FGD5: variants seen among roughly 807,000 people sequenced by gnomAD.
The protein encoded by FGD5 is FYVE, RhoGEF and PH domain containing 5.
In FGD5, 28 loss-of-function variants were observed where a neutral mutation model predicts 133.4. The ratio of observed to expected loss-of-function variants is 0.21; its 90% CI spans 0.16 to 0.29. FGD5 has a LOEUF of 0.29. Among genes scored for constraint, FGD5 ranks in the 10% least tolerant of loss-of-function variants. FGD5 has a pLI of 1.00. For synonymous variants in FGD5, 810 were observed against 776.5 expected (o/e 1.04, Z -0.72); for missense variants, 1,858 against 1,895.2 (o/e 0.98, Z 0.36).
chr3:14,911,278 G>A (rs989542149), intron 11 of FGD5, among the ~76,000 whole-genome samples: 7 of 152,220 alleles, frequency 4.6e-5, no homozygotes, highest in Admixed American at 2.0e-4. Context: ...AGTCCAGGAG[G>A]AGCCAAGCGT....
intron 1 of FGD5, among the ~76,000 whole-genome samples, chr3:14,863,345 G>A (rs1381552392): frequency 5.3e-5 from 8 of 152,124 alleles, no homozygotes; most frequent in African/African-American, 1.9e-4. Context: ...AGGGCTGAGA[G>A]CCCCTGCTGT....
chr3:14,844,646 G>C (rs1404568589), intron 1 of FGD5, among the ~76,000 whole-genome samples: 2 of 152,026 alleles, frequency 1.3e-5, no homozygotes, highest in African/African-American at 2.4e-5. Context: ...TAAAACCCTG[G>C]CTGCATAGTT....
intron 7 of FGD5, among the ~76,000 whole-genome samples, 158 bp from the exon 8 acceptor site, chr3:14,900,245 T>G (rs980991896): frequency 6.6e-6 from 1 of 152,100 alleles, no homozygotes; most frequent in East Asian, 1.9e-4. Context: ...CCTGGGGGCC[T>G]GGTTTCATGC....
At chr3:14,813,775 A>C (rs1169131069) in intron 1 of FGD5, among the ~76,000 whole-genome samples, 1 of 148,632 alleles carries the variant, frequency 6.7e-6, no homozygotes, top group Non-Finnish European at 1.5e-5. Context: ...CTGGCTCCCC[A>C]TCCAGTGCTC....
At chr3:14,842,603 G>A (rs1199212207) in intron 1 of FGD5, among the ~76,000 whole-genome samples, 3 of 152,050 alleles carry the variant, frequency 2.0e-5, no homozygotes, top group South Asian at 2.1e-4. Context: ...ACCCTCTCCC[G>A]GAAGACTTTG....
At chr3:14,926,830 C>T (rs759148649) in intron 18 of FGD5, among the ~76,000 whole-genome samples, 7 of 152,056 alleles carry the variant, frequency 4.6e-5, no homozygotes, top group Admixed American at 2.0e-4. Context: ...CAGCTGGTGG[C>T]TTCTAGGTGG....
intron 1 of FGD5, among the ~76,000 whole-genome samples, chr3:14,830,911 C>G (rs1450945734): frequency 6.6e-6 from 1 of 152,098 alleles, no homozygotes; most frequent in African/African-American, 2.4e-5. Context: ...GAGAGGCAGA[C>G]AGTAAACAGA....
At chr3:14,856,849 C>T (rs1229503483) in intron 1 of FGD5, among the ~76,000 whole-genome samples, 1 of 152,120 alleles carries the variant, frequency 6.6e-6, no homozygotes, top group Non-Finnish European at 1.5e-5. Flanking sequence ...TTGACTTCTT[C>T]CTTTCTAATT....
chr3:14,812,442 C>T (rs1278948917), intron 1 of FGD5, among the ~76,000 whole-genome samples: 1 of 152,208 alleles, frequency 6.6e-6, no homozygotes, highest in Non-Finnish European at 1.5e-5. Context: ...CTGCATGAGG[C>T]TTGGGCAGAC....
intron 18 of FGD5, among the ~76,000 whole-genome samples, chr3:14,926,437 C>G (rs2038804711): frequency 6.6e-6 from 1 of 152,208 alleles, no homozygotes. Flanking sequence ...AAGGTACGGA[C>G]ATGCCAAGCT....
At chr3:14,914,590 A>G (rs2038515983) in intron 11 of FGD5, among the ~76,000 whole-genome samples, 1 of 152,142 alleles carries the variant, frequency 6.6e-6, no homozygotes, top group Non-Finnish European at 1.5e-5. Context: ...CCCTAGTGAC[A>G]TAGGTCAGTT....
chr3:14,923,338 A>G (rs917051478), intron 16 of FGD5, 163 bp downstream of exon 16: 27 of 965,840 alleles, frequency 2.8e-5, no homozygotes, highest in Middle Eastern at 3.4e-4. Flanking sequence ...CCATTTTCCA[A>G]TATGTGGATT....
intron 4 of FGD5, among the ~76,000 whole-genome samples, chr3:14,892,204 A>AT (rs912620988): frequency 8.1e-5 from 12 of 147,904 alleles, no homozygotes; most frequent in Non-Finnish European, 1.0e-4. Flanking sequence ...TTTTTTTTTT[A>AT]TTTTTTTATT....
chr3:14,865,119 A>ACCCCCCCC (rs1216267069), intron 2 of FGD5, among the ~76,000 whole-genome samples: 13 of 140,836 alleles, frequency 9.2e-5, no homozygotes, highest in East Asian at 2.2e-4. Context: ...CCCCCACCCA[A>ACCCCCCCC]CCCACCCATC....
At chr3:14,840,427 G>A (rs1433025704) in intron 1 of FGD5, among the ~76,000 whole-genome samples, 2 of 152,146 alleles carry the variant, frequency 1.3e-5, no homozygotes, top group African/African-American at 4.8e-5. Flanking sequence ...TTACAAGCAT[G>A]AGCCACCACG....
intron 4 of FGD5, among the ~76,000 whole-genome samples, chr3:14,884,409 C>T (rs2037885982): frequency 6.6e-6 from 1 of 152,190 alleles, no homozygotes; most frequent in Non-Finnish European, 1.5e-5. Flanking sequence ...CTGGCAGTAC[C>T]TCCTTTACCG....
intron 13 of FGD5, among the ~76,000 whole-genome samples, chr3:14,921,677 C>A (rs908065910): frequency 6.6e-6 from 1 of 152,180 alleles, no homozygotes. Flanking sequence ...CACAGCAGCC[C>A]TGGGAGTTAG....
In FGD5 at chr3:14,819,555, A is replaced by G. The variant is rs1440200528; in HGVS notation, c.484A>G (p.Arg162Gly). The change falls in exon 1 of 20, where the codon AGA becomes GGA. Residue 162 changes from arginine to glycine, a missense_variant. By Grantham distance (125) the Arg-to-Gly change is moderately radical. This residue lies in a region of FGD5 where 1,824 missense variants were observed against 1,848.9 expected (regional missense o/e 0.99). Coordinates refer to ENST00000285046, the MANE Select transcript of FGD5 (RefSeq NM_152536.4). This position sits in a 1 kb window ranked among gnomAD's most constrained non-coding sequence, Gnocchi z 4.1. The part of the protein sequence containing the change: ...DEPGTLEQVS[R>G]SEEEEKLVQP... ...GCCAGGGACACTGGAGCAGGTGTCCAGAAGTGAGGAGGAAGAGAAGCTAGT... is the reference window on the plus strand; with the variant it reads ...GCCAGGGACACTGGAGCAGGTGTCCGGAAGTGAGGAGGAAGAGAAGCTAGT... 1.3e-6 allele frequency: 2 copies of G among 1,551,366 alleles called. No individual in the cohort carries two copies. The highest frequency in any genetic ancestry group is 1.7e-6 in the Non-Finnish European group (2 of 1,146,996).
chr3:14,910,050 C>T (rs2038418041), intron 10 of FGD5, among the ~76,000 whole-genome samples: 1 of 151,774 alleles, frequency 6.6e-6, no homozygotes, highest in Non-Finnish European at 1.5e-5. Flanking sequence ...AGGCGTGAGC[C>T]ACCACGCCTG....
Sources: gnomAD v4.1 joint callset for allele counts (sites outside exome capture counted in the v4.1 genomes callset) on GRCh38, gnomAD v4.1.1 for gene constraint, gnomAD v4.1.1 regional missense constraint, Gnocchi (gnomAD v3.1) non-coding constraint, MANE v1.5 for transcripts, NCBI Gene and HGNC (gene_info 2026-07-23, HGNC 2026-07-21) for gene names.